The following PDE12 variants were observed in gnomAD, a reference collection of about 807,000 sequenced individuals.
PDE12 encodes phosphodiesterase 12, also known as 2',5'-phosphodiesterase 12.
A neutral mutation model predicts 45.4 loss-of-function variants in PDE12; 26 were observed. The ratio of observed to expected loss-of-function variants is 0.57; its 90% CI spans 0.42 to 0.79. PDE12 has a LOEUF of 0.79. Ranked by LOEUF, PDE12 falls within the 30% of genes least tolerant of loss-of-function variation. The pLI is 0.00. For synonymous variants in PDE12, 283 were observed against 323.9 expected (o/e 0.87, Z 1.36); for missense variants, 668 against 790.0 (o/e 0.85, Z 1.85).
In PDE12 at chr3:57,561,273, A is replaced by G; in HGVS notation, c.*1269A>G. 1.0e-6 allele frequency: 1 copy of G among 985,636 alleles called. No individual in the cohort carries two copies. Among genetic ancestry groups the G allele is most frequent in the Non-Finnish European group, 1.2e-6 (1 of 829,720 alleles). The allele number at this position is 985,636 out of a possible 1,614,324, so 61.1% of individuals were successfully genotyped here. A position where few individuals can be genotyped will look rare whatever the true frequency, so the allele number is the denominator to read the frequency against. ...TGAAATTTTGGATGAATCATTGAGC[A>G]TTTCTACACTAGAAGTAATTTCAAA... On this transcript the variant is annotated 3_prime_UTR_variant, in exon 3 of 3. Coordinates refer to ENST00000311180, the MANE Select transcript of PDE12 (RefSeq NM_177966.7).
the PDE12 span, among the ~76,000 whole-genome samples, chr3:57,637,785 A>G: frequency 6.9e-6 from 1 of 145,424 alleles, no homozygotes; most frequent in African/African-American, 2.5e-5. Flanking sequence ...AAAAAGCAGA[A>G]GAAAAAGAAC....
the PDE12 span, among the ~76,000 whole-genome samples, chr3:57,611,561 A>G: frequency 6.6e-6 from 1 of 152,206 alleles, no homozygotes; most frequent in Non-Finnish European, 1.5e-5. Flanking sequence ...AACCCCATCA[A>G]AAAGTGGGAG....
chr3:57,601,911 ATTT>A, the PDE12 span, among the ~76,000 whole-genome samples: 1 of 138,546 alleles, frequency 7.2e-6, no homozygotes, highest in East Asian at 2.1e-4. Context: ...CACCCGGCTA[ATTT>A]TTTTTTTTTT....
chr3:57,629,028 A>G, the PDE12 span: 1 of 580,478 alleles, frequency 1.7e-6, no homozygotes, highest in East Asian at 3.0e-5. Context: ...ATTATAGTGC[A>G]AGAATAATTC....
At chr3:57,635,713 CTAAAAAA>C in the PDE12 span, among the ~76,000 whole-genome samples, 2 of 152,234 alleles carry the variant, frequency 1.3e-5, no homozygotes, top group Non-Finnish European at 2.9e-5. Context: ...TCTTATATTG[CTAAAAAA>C]TTTTAAGAGT....
chr3:57,572,353 G>A, the PDE12 span: 5 of 1,297,396 alleles, frequency 3.9e-6, no homozygotes, highest in Non-Finnish European at 5.5e-6. Context: ...TATAACACCA[G>A]TGTTTAAACT....
At chr3:57,616,341 A>G in the PDE12 span, among the ~76,000 whole-genome samples, 4 of 151,260 alleles carry the variant, frequency 2.6e-5, no homozygotes, top group African/African-American at 9.7e-5. Flanking sequence ...AGAAGAAGGA[A>G]GAAGAAGAAA....
chr3:57,577,753 C>A, the PDE12 span, among the ~76,000 whole-genome samples: 2 of 152,040 alleles, frequency 1.3e-5, 1 homozygote, highest in South Asian at 4.1e-4. Context: ...CCTAAAGAAT[C>A]GTGAATTTGG....
chr3:57,645,318 G>A, the PDE12 span, among the ~76,000 whole-genome samples: 1 of 151,900 alleles, frequency 6.6e-6, no homozygotes, highest in African/African-American at 2.4e-5. Context: ...AAAATTAGCC[G>A]GGCGTGGTGG....
At chr3:57,633,338 C>T in the PDE12 span, 32 of 1,613,504 alleles carry the variant, frequency 2.0e-5, no homozygotes, top group South Asian at 2.2e-5. Flanking sequence ...CTCAGAAGGA[C>T]GTTTCTGTTG....
the PDE12 span, chr3:57,645,687 T>C: frequency 2.4e-5 from 38 of 1,613,180 alleles, 1 homozygote; most frequent in South Asian, 3.3e-4. Context: ...TAGTATATTC[T>C]TTGAATTCAC....
the PDE12 span, among the ~76,000 whole-genome samples, chr3:57,590,646 A>G: frequency 6.6e-6 from 1 of 151,754 alleles, no homozygotes; most frequent in African/African-American, 2.4e-5. Flanking sequence ...TTTGAAATAT[A>G]CCTTCATAAT....
the PDE12 span, among the ~76,000 whole-genome samples, chr3:57,601,144 C>T: frequency 1.6e-4 from 24 of 151,088 alleles, no homozygotes; most frequent in South Asian, 3.9e-3. Flanking sequence ...TTTTTTTGCT[C>T]TGTCACCTAG....
At chr3:57,614,933 G>C in the PDE12 span, among the ~76,000 whole-genome samples, 4 of 151,066 alleles carry the variant, frequency 2.6e-5, no homozygotes, top group African/African-American at 9.7e-5. Flanking sequence ...GCAGATGTTG[G>C]AGTGAGCCGA....
At chr3:57,590,137 C>T in the PDE12 span, among the ~76,000 whole-genome samples, 2 of 116,948 alleles carry the variant, frequency 1.7e-5, no homozygotes, top group African/African-American at 2.9e-5. Flanking sequence ...ATAAATAAAA[C>T]AAAAAACAAA....
At chr3:57,581,608 C>G in the PDE12 span, among the ~76,000 whole-genome samples, 16 of 152,178 alleles carry the variant, frequency 1.1e-4, no homozygotes, top group Admixed American at 8.5e-4. Flanking sequence ...CGAGACCAGC[C>G]TGGCTAACAT....
chr3:57,628,995 A>G, the PDE12 span: 1 of 883,274 alleles, frequency 1.1e-6, no homozygotes, highest in South Asian at 1.8e-5. Flanking sequence ...AAAGGAGAAC[A>G]AAGTATTTAA....
At chr3:57,653,442 G>A in the PDE12 span, among the ~76,000 whole-genome samples, 9 of 151,974 alleles carry the variant, frequency 5.9e-5, no homozygotes, top group South Asian at 4.1e-4. Context: ...AACTTCTCTC[G>A]AACTAAAAAA....
At chr3:57,568,476 G>C (rs1459282193), downstream of PDE12, among the ~76,000 whole-genome samples, 2 of 151,926 alleles carry the variant, frequency 1.3e-5, no homozygotes, top group Non-Finnish European at 1.5e-5. Flanking sequence ...TTTGATCATA[G>C]TAAGTGACCT....
Sources: gnomAD v4.1 joint callset for allele counts (sites outside exome capture counted in the v4.1 genomes callset) on GRCh38, gnomAD v4.1.1 for gene constraint, MANE v1.5 for transcripts, NCBI Gene and HGNC (gene_info 2026-07-23, HGNC 2026-07-21) for gene names.